Variants in FBXO31 observed in about 807,000 individuals in gnomAD.
FBXO31 encodes the protein F-box only protein 31.
A neutral mutation model predicts 54.4 loss-of-function variants in FBXO31; 24 were observed. The ratio of observed to expected loss-of-function variants is 0.44; its 90% CI spans 0.32 to 0.62. The LOEUF is 0.62. Among genes scored for constraint, FBXO31 ranks in the 20% least tolerant of loss-of-function variants. The probability of loss-of-function intolerance (pLI) is 0.05; values close to 1 mark genes in which losing one functional copy is unlikely to be tolerated. For missense variants in FBXO31, 665 were observed against 787.1 expected, an observed-to-expected ratio of 0.84 and a Z score of 1.86; for synonymous variants, 388 against 335.6, an observed-to-expected ratio of 1.16 and a Z score of -1.71.
At chr16:87,347,359 C>T in intron 2 of FBXO31, 109 bp from the exon 3 acceptor site, 1 of 893,344 alleles carries the variant, frequency 1.1e-6, no homozygotes, top group Non-Finnish European at 1.9e-6. Flanking sequence ...AAAAGGCTTG[C>T]AAGAGCCCTC....
rs1171162528 is a variant in FBXO31, at chr16:87,378,159, CA to C, written c.340+5245del. 5.6e-3 allele frequency among the ~76,000 whole-genome samples: 649 copies of C among 115,398 alleles called. 8 individuals are homozygous for C. Among genetic ancestry groups the C allele is most frequent in the African/African-American group, 0.02 (619 of 31,714 alleles). The allele number at this position is 115,398 out of a possible 152,430, so 75.7% of individuals were successfully genotyped here. A position where few individuals can be genotyped will look rare whatever the true frequency, so the allele number is the denominator to read the frequency against. ...GGGCAACAAGAGCAAAACTCCATCT[CA>C]AAAAAAAAAACAAAACAAAACCAGA... On this transcript the variant is annotated intron_variant, in intron 1 of 8. Coordinates refer to ENST00000311635, the MANE Select transcript of FBXO31 (RefSeq NM_024735.5).
At chr16:87,334,658 C>T (rs923445486) in intron 7 of FBXO31, among the ~76,000 whole-genome samples, 2 of 152,240 alleles carry the variant, frequency 1.3e-5, no homozygotes, top group African/African-American at 4.8e-5. Flanking sequence ...GTCCAGGAGC[C>T]AAAACTCTGG....
At chr16:87,376,861 G>C (rs185603014) in intron 1 of FBXO31, among the ~76,000 whole-genome samples, 1 of 152,190 alleles carries the variant, frequency 6.6e-6, no homozygotes, top group Non-Finnish European at 1.5e-5. Flanking sequence ...CCACCATAAC[G>C]AAATGTTAGG....
chr16:87,383,557 G>T lies in FBXO31; in HGVS notation c.188C>A (p.Pro63Gln). ...CGGCAGCTCCAGCAGCGAGCAGCGC[G>T]GGGGCGGCGGCGAGGGGCCCGCGCA... is the stretch of plus-strand genomic sequence containing the variant. ...GLCAGPSPPP[P>Q]RCSLLELPPE... Residue 63 changes from proline (P) to glutamine (Q), a missense_variant, in exon 1 of 9, where the codon CCG becomes CAG. Pro to Gln is a moderately conservative substitution (Grantham distance 76). This residue lies in a region of FBXO31 where 195 missense variants were observed against 174.8 expected (regional missense o/e 1.12). Transcript: ENST00000311635. This position sits in a 1 kb window ranked among gnomAD's most constrained non-coding sequence, Gnocchi z 4.9. The T allele has an allele frequency of 1.3e-6, 2 of 1,540,478 alleles. No homozygotes were observed. Among genetic ancestry groups the T allele is most frequent in the Non-Finnish European group, 1.7e-6 (2 of 1,149,754 alleles).
chr16:87,335,534 GAGC>G lies in FBXO31; in HGVS notation c.843-80_843-78del. The stretch of plus-strand genomic sequence containing the variant: ...TGAGAACGCCCAAGGTGCCAGGGAT[GAGC>G]TTTGCAGGGCGGGGTAGGGCGGGCA... On this transcript the variant is annotated intron_variant, in intron 6 of 8. Coordinates refer to ENST00000311635, the MANE Select transcript of FBXO31 (RefSeq NM_024735.5). This position sits in a 1 kb window ranked among gnomAD's most constrained non-coding sequence, Gnocchi z 5.7. 1 of 1,118,714 alleles carries G rather than the reference GAGC, an allele frequency of 8.9e-7. No individual in the cohort carries two copies. The highest frequency in any genetic ancestry group is 1.3e-6 in the Non-Finnish European group (1 of 798,074). 69.3% of individuals were successfully genotyped at this position (1,118,714 alleles called of 1,614,324 possible). A position where few individuals can be genotyped will look rare whatever the true frequency, so the allele number is the denominator to read the frequency against.
chr16:87,360,424 TG>T (rs768118812), intron 1 of FBXO31, 58 bp from the exon 2 acceptor site: 2 of 1,502,044 alleles, frequency 1.3e-6, no homozygotes, highest in South Asian at 1.1e-5. Context: ...GCGACAGACG[TG>T]GGCAGGCTGC....
chr16:87,382,387 C>T (rs936516665), intron 1 of FBXO31, among the ~76,000 whole-genome samples: 2 of 152,164 alleles, frequency 1.3e-5, no homozygotes, highest in African/African-American at 4.8e-5. Context: ...TGTTCTGCAT[C>T]GCTTGGATGT....
chr16:87,382,283 A>G (rs918612637), intron 1 of FBXO31, among the ~76,000 whole-genome samples: 1 of 152,228 alleles, frequency 6.6e-6, no homozygotes, highest in African/African-American at 2.4e-5. Context: ...TTTAGGGAAG[A>G]AGGTACACAC....
intron 1 of FBXO31, among the ~76,000 whole-genome samples, chr16:87,373,353 G>A (rs1906682530): frequency 6.7e-6 from 1 of 148,206 alleles, no homozygotes; most frequent in Non-Finnish European, 1.5e-5. Flanking sequence ...TCAGGAGGCT[G>A]AGGCAGGAGA....
At chr16:87,342,800 C>T in intron 5 of FBXO31, 77 bp downstream of exon 5, 2 of 1,285,610 alleles carry the variant, frequency 1.6e-6, no homozygotes, top group South Asian at 1.5e-5. Flanking sequence ...ACTTCTCTCC[C>T]GCATGGGTCT....
At position 87,331,295 on chromosome 16, in the gene FBXO31, G is replaced by A; in HGVS notation, c.1613C>T (p.Thr538Ile). 1.2e-6 allele frequency: 2 copies of A among 1,613,858 alleles called. No homozygotes were observed. The highest frequency in any genetic ancestry group is 4.5e-5 in the East Asian group (2 of 44,866). ...CGGCAAGGATGTGGCCGGTCAGGAG[G>A]TGAGGGACTGAATGTTCTTGAGCAT... ...DEMLKNIQSL[T>I]S is the part of the protein sequence containing the mutation. The change falls in exon 9 of 9, where the codon ACC (threonine) becomes ATC (isoleucine). Residue 538 changes from threonine to isoleucine, a missense_variant. Transcript: ENST00000311635.
At chr16:87,365,037 A>ATCTATCTATC (rs1906304865) in intron 1 of FBXO31, among the ~76,000 whole-genome samples, 1 of 106,892 alleles carries the variant, frequency 9.4e-6, no homozygotes, top group African/African-American at 3.5e-5. Context: ...ATATATATAT[A>ATCTATCTATC]TATCAGGCAG....
At chr16:87,381,744 A>G (rs970279640) in intron 1 of FBXO31, among the ~76,000 whole-genome samples, 1 of 152,180 alleles carries the variant, frequency 6.6e-6, no homozygotes. Context: ...GCACCCTACC[A>G]GCCAGCGTGG....
intron 2 of FBXO31, among the ~76,000 whole-genome samples, chr16:87,349,840 C>G (rs556064040): frequency 6.6e-6 from 1 of 150,990 alleles, no homozygotes; most frequent in Non-Finnish European, 1.5e-5. Context: ...GCCCGGGAGG[C>G]GGAGGCTGTA....
intron 1 of FBXO31, among the ~76,000 whole-genome samples, chr16:87,389,375 G>C (rs1022425615): frequency 1.3e-5 from 2 of 152,084 alleles, no homozygotes; most frequent in African/African-American, 4.8e-5. Context: ...AGTAACCCTG[G>C]CCCATTACTA....
chr16:87,365,215 T>G (rs1385643338), intron 1 of FBXO31, among the ~76,000 whole-genome samples: 1 of 150,932 alleles, frequency 6.6e-6, no homozygotes, highest in Non-Finnish European at 1.5e-5. Flanking sequence ...TCAGGACTTC[T>G]GCTGCAGGCA....
chr16:87,387,684 A>G (rs1182840689), upstream of FBXO31, among the ~76,000 whole-genome samples: 1 of 152,148 alleles, frequency 6.6e-6, no homozygotes, highest in Non-Finnish European at 1.5e-5. Flanking sequence ...GCGGGCGCCT[A>G]TAGTCCCAGC....
At chr16:87,344,014 G>A (rs1336596257) in intron 3 of FBXO31, among the ~76,000 whole-genome samples, 1 of 152,242 alleles carries the variant, frequency 6.6e-6, no homozygotes, top group Non-Finnish European at 1.5e-5. Context: ...CAGACAGAGG[G>A]AAAGGGGGTG....
rs1264119969 is a variant in FBXO31 at position 87,346,729 on chromosome 16, G to A, written c.489+445C>T. Among the ~76,000 whole-genome samples, 1 of 152,230 alleles carries A rather than the reference G, an allele frequency of 6.6e-6. No homozygotes were observed. The highest frequency in any genetic ancestry group is 1.5e-5 in the Non-Finnish European group (1 of 68,044). On this transcript the variant is annotated intron_variant, in intron 3 of 8. Coordinates refer to ENST00000311635, the MANE Select transcript of FBXO31 (RefSeq NM_024735.5). This position sits in a 1 kb window ranked among gnomAD's most constrained non-coding sequence, Gnocchi z 4.2. The stretch of plus-strand genomic sequence containing the variant: ...CTTTCCGTTCGAGAGGCTCCAGTAG[G>A]AGGGCACAGGGGGCGGGAGGCAGGG...
Sources: gnomAD v4.1 joint callset for allele counts (sites outside exome capture counted in the v4.1 genomes callset) on GRCh38, gnomAD v4.1.1 for gene constraint, gnomAD v4.1.1 regional missense constraint, Gnocchi (gnomAD v3.1) non-coding constraint, MANE v1.5 for transcripts, NCBI Gene and HGNC (gene_info 2026-07-23, HGNC 2026-07-21) for gene names.